NPAS3: variants seen among roughly 807,000 people sequenced by gnomAD.
The protein encoded by NPAS3 is neuronal PAS domain-containing protein 3.
NPAS3 carries 14 observed loss-of-function variants against 73.1 expected under a neutral mutation model. The observed-to-expected ratio is 0.19, with a 90% CI of 0.13 to 0.30. The LOEUF is 0.30. NPAS3 is among the 10% of genes least tolerant of loss of function. The probability of loss-of-function intolerance (pLI) is 1.00; values close to 1 mark genes in which losing one functional copy is unlikely to be tolerated. For missense variants in NPAS3, 1,096 were observed against 1,250.0 expected (o/e 0.88, Z 1.86); for synonymous variants, 620 against 541.5 (o/e 1.14, Z -2.01).
intron 4 of NPAS3, among the ~76,000 whole-genome samples, chr14:33,480,572 C>CCTTCCT (rs1288123884): frequency 3.6e-5 from 5 of 137,886 alleles, no homozygotes; most frequent in African/African-American, 1.3e-4. Context: ...TCCCTCCCTC[C>CCTTCCT]CTCTCTCTCT....
At chr14:33,015,122 AG>A (rs2039345370) in intron 1 of NPAS3, among the ~76,000 whole-genome samples, 1 of 152,110 alleles carries the variant, frequency 6.6e-6, no homozygotes, top group Non-Finnish European at 1.5e-5. Flanking sequence ...CTTTGAAGCC[AG>A]GGGGTGCTAC....
intron 9 of NPAS3, among the ~76,000 whole-genome samples, chr14:33,779,059 G>T (rs1332965514): frequency 6.6e-6 from 1 of 152,246 alleles, no homozygotes; most frequent in South Asian, 2.1e-4. Context: ...AGAAAATGTT[G>T]TGTGGACACA....
intron 7 of NPAS3, among the ~76,000 whole-genome samples, chr14:33,767,294 G>A (rs1053623978): frequency 3.3e-5 from 5 of 152,322 alleles, no homozygotes; most frequent in African/African-American, 1.2e-4. Flanking sequence ...ATATTCTCAT[G>A]CTGGTTCAGA....
At chr14:33,625,727 A>C (rs1289205896) in intron 5 of NPAS3, among the ~76,000 whole-genome samples, 1 of 152,220 alleles carries the variant, frequency 6.6e-6, no homozygotes, top group Non-Finnish European at 1.5e-5. Context: ...TTCTTCACCA[A>C]AGGTAATGCT....
chr14:33,545,627 A>G (rs1252842072), intron 4 of NPAS3, among the ~76,000 whole-genome samples: 1 of 152,176 alleles, frequency 6.6e-6, no homozygotes, highest in Non-Finnish European at 1.5e-5. Context: ...AAAGCTGAAC[A>G]TGGAACTTGT....
intron 4 of NPAS3, among the ~76,000 whole-genome samples, chr14:33,510,979 T>C (rs1270286403): frequency 6.6e-6 from 1 of 152,140 alleles, no homozygotes; most frequent in Non-Finnish European, 1.5e-5. Context: ...AGCAATTTCT[T>C]AGGTGGGTAC....
intron 9 of NPAS3, among the ~76,000 whole-genome samples, chr14:33,782,339 C>G (rs562951745): frequency 2.6e-5 from 4 of 152,160 alleles, no homozygotes; most frequent in Admixed American, 2.6e-4. Flanking sequence ...CTGTGTGGCT[C>G]TTCAATTATG....
At chr14:33,182,112 TAATC>T (rs1253824810) in intron 2 of NPAS3, among the ~76,000 whole-genome samples, 2 of 152,218 alleles carry the variant, frequency 1.3e-5, no homozygotes, top group African/African-American at 2.4e-5. Context: ...AGTCAATAGG[TAATC>T]AATAAATGAT....
chr14:33,640,118 G>A (rs2058635815), intron 5 of NPAS3, among the ~76,000 whole-genome samples: 2 of 152,078 alleles, frequency 1.3e-5, no homozygotes, highest in South Asian at 4.1e-4. Context: ...TCAGGAGGCT[G>A]AGGCAGAAGA....
At chr14:33,346,980 C>T (rs2044768937) in intron 3 of NPAS3, among the ~76,000 whole-genome samples, 3 of 152,188 alleles carry the variant, frequency 2.0e-5, no homozygotes, top group African/African-American at 4.8e-5. Context: ...CCCAAGGTTA[C>T]TCCATGTCCA....
chr14:33,075,905 CTG>C (rs1456396705), intron 2 of NPAS3, among the ~76,000 whole-genome samples: 3 of 152,232 alleles, frequency 2.0e-5, no homozygotes, highest in Admixed American at 1.3e-4. Context: ...AAAAATTAAA[CTG>C]TTTTTAGATC....
At chr14:33,344,239 G>A (rs1594739822) in intron 3 of NPAS3, among the ~76,000 whole-genome samples, 1 of 152,164 alleles carries the variant, frequency 6.6e-6, no homozygotes, top group Admixed American at 6.5e-5. Context: ...CGTAACCAGG[G>A]ATTGAAAGAT....
chr14:33,477,330 G>A (rs1566936682), intron 4 of NPAS3, among the ~76,000 whole-genome samples: 1 of 152,130 alleles, frequency 6.6e-6, no homozygotes, highest in Non-Finnish European at 1.5e-5. Context: ...TATGGAAAGA[G>A]AGAAGCTACC....
chr14:33,267,829 G>A (rs1396798266), intron 3 of NPAS3, among the ~76,000 whole-genome samples: 8 of 152,146 alleles, frequency 5.3e-5, no homozygotes, highest in Non-Finnish European at 1.0e-4. Context: ...GGCATGCAGA[G>A]GAGTGCTATC....
At chr14:33,625,997 T>C (rs2058208754) in intron 5 of NPAS3, among the ~76,000 whole-genome samples, 1 of 152,180 alleles carries the variant, frequency 6.6e-6, no homozygotes, top group Non-Finnish European at 1.5e-5. Flanking sequence ...AAAATAGAAT[T>C]GTCAAAGAGA....
intron 4 of NPAS3, among the ~76,000 whole-genome samples, chr14:33,469,645 G>C (rs2050692856): frequency 6.6e-6 from 1 of 152,124 alleles, no homozygotes; most frequent in Non-Finnish European, 1.5e-5. Context: ...GATCCCGCCA[G>C]TTACCTAGGC....
At chr14:33,788,905 A>G (rs1008929652) in intron 9 of NPAS3, among the ~76,000 whole-genome samples, 6 of 148,434 alleles carry the variant, frequency 4.0e-5, no homozygotes, top group African/African-American at 7.5e-5. Context: ...TAGGCCAACC[A>G]CTAAGCTCAA....
At chr14:33,050,250 C>G (rs1363273330) in intron 1 of NPAS3, among the ~76,000 whole-genome samples, 4 of 152,134 alleles carry the variant, frequency 2.6e-5, no homozygotes, top group African/African-American at 9.7e-5. Flanking sequence ...CTAGATTTGG[C>G]CAGTTGGGTT....
intron 1 of NPAS3, among the ~76,000 whole-genome samples, chr14:33,033,883 G>A (rs1175916628): frequency 1.3e-5 from 2 of 152,098 alleles, no homozygotes; most frequent in African/African-American, 2.4e-5. Flanking sequence ...ATTATCCACT[G>A]GCCTTTAGCC....
Sources: allele counts gnomAD v4.1 joint callset (sites outside exome capture counted in the v4.1 genomes callset), GRCh38; gene constraint gnomAD v4.1.1; transcripts MANE v1.5; gene names NCBI Gene and HGNC (gene_info 2026-07-23, HGNC 2026-07-21).